NCKAP5: variants seen among roughly 807,000 people sequenced by gnomAD.
The protein encoded by NCKAP5 is NCK associated protein 5, also known as nck-associated protein 5.
NCKAP5 carries 92 observed loss-of-function variants against 167.0 expected under a neutral mutation model. The ratio of observed to expected loss-of-function variants is 0.55; its 90% confidence interval spans 0.47 to 0.66. The LOEUF is 0.66. NCKAP5 is among the 30% of genes least tolerant of loss of function. NCKAP5 has a pLI of 0.00. For synonymous variants in NCKAP5, 891 were observed against 877.4 expected (o/e 1.02, Z -0.27); for missense variants, 2,378 against 2,315.0 (o/e 1.03, Z -0.56).
the NCKAP5 span, among the ~76,000 whole-genome samples, chr2:133,614,647 T>C: frequency 6.6e-6 from 1 of 152,116 alleles, no homozygotes; most frequent in Admixed American, 6.5e-5. Flanking sequence ...TATGGGACTA[T>C]GTGAAAAGAC....
At chr2:132,724,234 T>C (rs1204295631) in intron 19 of NCKAP5, among the ~76,000 whole-genome samples, 3 of 152,152 alleles carry the variant, frequency 2.0e-5, no homozygotes, top group African/African-American at 7.2e-5. Flanking sequence ...CACTCTCCCC[T>C]TCTCTGCCTG....
chr2:133,067,643 C>T (rs2080244107), intron 6 of NCKAP5, among the ~76,000 whole-genome samples: 1 of 152,164 alleles, frequency 6.6e-6, no homozygotes. Context: ...TGTCTTCCAG[C>T]CTCTGGGAAT....
intron 3 of NCKAP5, among the ~76,000 whole-genome samples, chr2:133,437,642 C>A (rs976279712): frequency 1.3e-5 from 2 of 152,192 alleles, no homozygotes; most frequent in Non-Finnish European, 2.9e-5. Flanking sequence ...GCAGCCCCAG[C>A]CAGCGTCAGT....
chr2:132,725,736 C>T lies in NCKAP5; in HGVS notation c.5604G>A (p.Thr1868=), dbSNP rs138666587. Residue 1868 remains threonine, a synonymous_variant, in exon 19 of 20, where the codon ACG becomes ACA. Transcript: ENST00000409261. ...TATTACTGCCACCGCTGGCAGAGTA[C>T]GTACACATTCTGGGTGCCTTGTCCT... ...GTQDKAPRMC[T]YSASGGSNSD... 100 of 1,613,330 alleles carry T rather than the reference C, an allele frequency of 6.2e-5. No homozygotes were observed. The highest frequency in any genetic ancestry group is 1.0e-4 in the Admixed American group (6 of 59,890).
intron 11 of NCKAP5, among the ~76,000 whole-genome samples, chr2:132,811,372 G>A (rs1685852402): frequency 6.6e-6 from 1 of 152,114 alleles, no homozygotes; most frequent in African/African-American, 2.4e-5. Flanking sequence ...GGGGTGGATA[G>A]GGAAAGACCA....
chr2:132,728,854 G>A lies in NCKAP5; in HGVS notation c.5542C>T (p.Pro1848Ser), dbSNP rs776167802. The A allele has an allele frequency of 6.2e-7, 1 of 1,613,928 alleles. No individual in the cohort carries two copies. The highest frequency in any genetic ancestry group is 2.2e-5 in the East Asian group (1 of 44,876). ...GCAGCAACTTCACTCCCCCAGTCTG[G>A]AAGCGGCTGGCTTGCCATTGGGTCT... is the stretch of plus-strand genomic sequence containing the variant. The part of the protein sequence containing the change: ...AEDPMASQPL[P>S]DWGSEVAATG... The change falls in exon 18 of 20, where the codon CCA becomes TCA. Residue 1848 changes from proline to serine, a missense_variant. This residue lies in a region of NCKAP5 where 1,325 missense variants were observed against 1,274.5 expected (regional missense o/e 1.04). Transcript: ENST00000409261.
intron 2 of NCKAP5, among the ~76,000 whole-genome samples, chr2:133,518,063 T>A (rs1684162084): frequency 6.6e-6 from 1 of 152,178 alleles, no homozygotes; most frequent in Non-Finnish European, 1.5e-5. Context: ...AATATGTAAT[T>A]TAAAAATATT....
At chr2:133,311,614 T>C (rs1475518899) in intron 3 of NCKAP5, among the ~76,000 whole-genome samples, 1 of 152,196 alleles carries the variant, frequency 6.6e-6, no homozygotes, top group Non-Finnish European at 1.5e-5. Context: ...CCTGAGGCTA[T>C]CCAGGAGCCC....
At chr2:132,797,139 C>A (rs888993946) in intron 11 of NCKAP5, among the ~76,000 whole-genome samples, 1 of 152,176 alleles carries the variant, frequency 6.6e-6, no homozygotes, top group African/African-American at 2.4e-5. Context: ...AAAATCTGAG[C>A]AGATAATTAT....
the NCKAP5 span, among the ~76,000 whole-genome samples, chr2:133,674,675 GAGAAGGCAT>G: frequency 6.6e-6 from 1 of 151,872 alleles, no homozygotes; most frequent in Non-Finnish European, 1.5e-5. Flanking sequence ...TGTCCTTACC[GAGAAGGCAT>G]ACCAGACAGG....
the NCKAP5 span, among the ~76,000 whole-genome samples, chr2:133,645,716 C>T: frequency 3.3e-5 from 5 of 152,030 alleles, no homozygotes; most frequent in Non-Finnish European, 5.9e-5. Flanking sequence ...ACACGTGGCA[C>T]CTGCTCAAAA....
At chr2:133,133,539 C>T (rs1016378160) in intron 5 of NCKAP5, among the ~76,000 whole-genome samples, 1 of 152,260 alleles carries the variant, frequency 6.6e-6, no homozygotes, top group East Asian at 1.9e-4. Flanking sequence ...ACAAAACTTG[C>T]CAGTCACAGG....
intron 6 of NCKAP5, among the ~76,000 whole-genome samples, chr2:133,069,345 T>C (rs747917047): frequency 3.3e-5 from 5 of 152,216 alleles, no homozygotes; most frequent in Non-Finnish European, 7.3e-5. Flanking sequence ...CTTTGAAGTA[T>C]CTTGAACTCC....
intron 8 of NCKAP5, among the ~76,000 whole-genome samples, chr2:132,945,993 A>G (rs757611782): frequency 7.2e-5 from 11 of 152,342 alleles, no homozygotes; most frequent in Admixed American, 3.3e-4. Flanking sequence ...GGCAAGTCCC[A>G]TTTTCCTTTG....
intron 6 of NCKAP5, among the ~76,000 whole-genome samples, chr2:133,090,375 A>C (rs553803154): frequency 1.7e-4 from 26 of 152,076 alleles, no homozygotes; most frequent in Admixed American, 7.2e-4. Flanking sequence ...TGAGACAAAA[A>C]GAAGAAGAGA....
intron 10 of NCKAP5, among the ~76,000 whole-genome samples, chr2:132,864,828 C>T (rs1459166374): frequency 6.6e-6 from 1 of 152,172 alleles, no homozygotes; most frequent in Non-Finnish European, 1.5e-5. Context: ...CATGGGAATA[C>T]ATGGAATTGG....
chr2:132,788,006 C>T (rs1422504879), intron 13 of NCKAP5, among the ~76,000 whole-genome samples: 1 of 152,178 alleles, frequency 6.6e-6, no homozygotes, highest in Non-Finnish European at 1.5e-5. Context: ...GGCTGCAAAC[C>T]TCCCAGGGCC....
Position 132,994,196 on chromosome 2 carries a change from G to T in NCKAP5, c.385C>A (p.Pro129Thr). The change falls in exon 7 of 20, where the codon CCA becomes ACA. Residue 129 changes from proline (P) to threonine (T), a missense_variant. Pro to Thr is a conservative substitution (Grantham distance 38). Transcript: ENST00000409261. ...ACAGTTTCTTCTTTTTTCTGCTCTG[G>T]AGATCCTTGACTCTGCAATAGATTT... ...VRNLLQSQGS[P>T]EQKKEETVNI... 1 of 1,591,822 alleles carries T rather than the reference G, an allele frequency of 6.3e-7. No homozygotes were observed. The highest frequency in any genetic ancestry group is 8.6e-7 in the Non-Finnish European group (1 of 1,168,228).
chr2:133,597,519 A>C, the NCKAP5 span, among the ~76,000 whole-genome samples: 1 of 151,932 alleles, frequency 6.6e-6, no homozygotes, highest in South Asian at 2.1e-4. Flanking sequence ...AACACAAAAA[A>C]TTAGCTGGGT....
Sources: gnomAD v4.1 joint callset for allele counts (sites outside exome capture counted in the v4.1 genomes callset) on GRCh38, gnomAD v4.1.1 for gene constraint, gnomAD v4.1.1 regional missense constraint, MANE v1.5 for transcripts, NCBI Gene and HGNC (gene_info 2026-07-23, HGNC 2026-07-21) for gene names.